The following ZNF385B variants were observed in gnomAD, a reference collection of about 807,000 sequenced individuals.
ZNF385B encodes zinc finger protein 385B.
A neutral mutation model predicts 39.2 loss-of-function variants in ZNF385B; 23 were observed. That is an observed-to-expected ratio of 0.59 (90% CI 0.42 to 0.83). ZNF385B has a LOEUF of 0.83. ZNF385B is among the 40% of genes least tolerant of loss of function. ZNF385B has a pLI of 0.00. For missense variants in ZNF385B, 552 were observed against 598.9 expected (o/e 0.92, Z 0.82); for synonymous variants, 205 against 222.6 (o/e 0.92, Z 0.70).
chr2:179,722,752 TAA>T (rs1206884192), intron 3 of ZNF385B, among the ~76,000 whole-genome samples: 2 of 152,258 alleles, frequency 1.3e-5, no homozygotes, highest in East Asian at 1.9e-4. Context: ...TTAATTTTAC[TAA>T]GAGTCACCAA....
intron 4 of ZNF385B, among the ~76,000 whole-genome samples, chr2:179,528,171 C>A (rs80049343): frequency 1.3e-5 from 2 of 152,212 alleles, no homozygotes; most frequent in Admixed American, 6.5e-5. Flanking sequence ...CTAAGAGACA[C>A]GCTCCTCAGC....
At chr2:179,827,677 G>A (rs952392306) in intron 1 of ZNF385B, among the ~76,000 whole-genome samples, 8 of 152,250 alleles carry the variant, frequency 5.3e-5, no homozygotes, top group African/African-American at 1.9e-4. Flanking sequence ...CCTATTAAAT[G>A]CTGCCTTCAC....
chr2:179,657,651 A>G (rs557460226), intron 3 of ZNF385B, among the ~76,000 whole-genome samples: 1 of 152,370 alleles, frequency 6.6e-6, no homozygotes, highest in South Asian at 2.1e-4. Flanking sequence ...AAACCCATAC[A>G]GTTTCAGCAA....
At chr2:179,508,935 G>A (rs540477025) in intron 5 of ZNF385B, among the ~76,000 whole-genome samples, 5 of 150,920 alleles carry the variant, frequency 3.3e-5, no homozygotes, top group African/African-American at 1.2e-4. Context: ...ACATTTATGC[G>A]TCATCATAAT....
intron 1 of ZNF385B, among the ~76,000 whole-genome samples, chr2:179,805,970 A>G (rs944372161): frequency 7.9e-5 from 12 of 152,226 alleles, no homozygotes; most frequent in African/African-American, 2.4e-4. Context: ...TAACATTTAG[A>G]GGAAAATATG....
intron 3 of ZNF385B, among the ~76,000 whole-genome samples, chr2:179,586,164 A>C (rs1451251439): frequency 1.3e-5 from 2 of 152,204 alleles, no homozygotes; most frequent in Non-Finnish European, 2.9e-5. Context: ...ATTCAAACTC[A>C]GTTCAAGCAT....
intron 6 of ZNF385B, among the ~76,000 whole-genome samples, chr2:179,479,486 G>C (rs2053766667): frequency 6.6e-6 from 1 of 152,138 alleles, no homozygotes; most frequent in South Asian, 2.1e-4. Context: ...GGCTTCCTTA[G>C]CTCTTGGAAG....
intron 3 of ZNF385B, among the ~76,000 whole-genome samples, chr2:179,576,466 G>C (rs1189099501): frequency 6.6e-6 from 1 of 152,142 alleles, no homozygotes; most frequent in African/African-American, 2.4e-5. Flanking sequence ...CACTAACATG[G>C]CCTACATGGT....
At chr2:179,609,717 C>T (rs1306779900) in intron 3 of ZNF385B, among the ~76,000 whole-genome samples, 1 of 152,216 alleles carries the variant, frequency 6.6e-6, no homozygotes, top group Admixed American at 6.5e-5. Context: ...AGTCGCTTCT[C>T]TCCATATCCT....
At chr2:179,761,245 A>C (rs1189590646) in intron 3 of ZNF385B, among the ~76,000 whole-genome samples, 1 of 152,142 alleles carries the variant, frequency 6.6e-6, no homozygotes, top group East Asian at 1.9e-4. Context: ...TTTTTCATAT[A>C]AATGTTAGCA....
intron 6 of ZNF385B, among the ~76,000 whole-genome samples, chr2:179,483,045 A>G (rs962871392): frequency 4.0e-5 from 6 of 151,342 alleles, no homozygotes; most frequent in African/African-American, 1.5e-4. Flanking sequence ...ATATATTTAC[A>G]TATACACATA....
chr2:179,763,179 C>G (rs1202944882), intron 3 of ZNF385B, among the ~76,000 whole-genome samples: 4 of 152,192 alleles, frequency 2.6e-5, no homozygotes, highest in Admixed American at 2.6e-4. Context: ...GCTGGGATTA[C>G]AGGGGTGAGC....
chr2:179,753,467 C>A (rs974423655), intron 3 of ZNF385B, among the ~76,000 whole-genome samples: 1 of 152,166 alleles, frequency 6.6e-6, no homozygotes, highest in African/African-American at 2.4e-5. Context: ...TTTTCCAATT[C>A]TGTGAAGAAA....
chr2:179,513,126 A>G (rs1012952757), intron 5 of ZNF385B, among the ~76,000 whole-genome samples: 2 of 152,206 alleles, frequency 1.3e-5, no homozygotes, highest in African/African-American at 4.8e-5. Flanking sequence ...AGTGAAGCCA[A>G]TTTCAGTTTC....
intron 3 of ZNF385B, among the ~76,000 whole-genome samples, chr2:179,634,226 C>CT (rs139539292): frequency 0.38 from 57,732 of 151,138 alleles, 11,134 homozygotes; most frequent in South Asian, 0.45. Flanking sequence ...AATTAAAGAG[C>CT]TCTGCACAGC....
chr2:179,511,160 G>C (rs1219867125), intron 5 of ZNF385B, among the ~76,000 whole-genome samples: 1 of 152,186 alleles, frequency 6.6e-6, no homozygotes, highest in Admixed American at 6.5e-5. Context: ...GTGGAGTTAG[G>C]TCTGGTGGCA....
chr2:179,797,979 T>C (rs1705781709), intron 1 of ZNF385B, among the ~76,000 whole-genome samples: 1 of 152,152 alleles, frequency 6.6e-6, no homozygotes, highest in African/African-American at 2.4e-5. Flanking sequence ...AGGTACAGTT[T>C]ATAGAGAAAA....
intron 3 of ZNF385B, among the ~76,000 whole-genome samples, chr2:179,623,075 T>C (rs1179303697): frequency 6.6e-6 from 1 of 152,228 alleles, no homozygotes; most frequent in African/African-American, 2.4e-5. Flanking sequence ...TAAGAAGTTG[T>C]GATGCACTTG....
chr2:179,621,992 T>A (rs546692364), intron 3 of ZNF385B, among the ~76,000 whole-genome samples: 1 of 152,238 alleles, frequency 6.6e-6, no homozygotes, highest in Admixed American at 6.5e-5. Context: ...AAGTCACCAA[T>A]TTACCAGGAT....
Sources: gnomAD v4.1 joint callset for allele counts (sites outside exome capture counted in the v4.1 genomes callset) on GRCh38, gnomAD v4.1.1 for gene constraint, MANE v1.5 for transcripts, NCBI Gene and HGNC (gene_info 2026-07-23, HGNC 2026-07-21) for gene names.